Variants in PTPRD observed in about 807,000 individuals in gnomAD.
The protein encoded by PTPRD is receptor-type tyrosine-protein phosphatase delta.
A neutral mutation model predicts 214.5 loss-of-function variants in PTPRD; 34 were observed. The observed-to-expected ratio is 0.16, with a 90% CI of 0.12 to 0.21. The LOEUF is 0.21. Ranked by LOEUF, PTPRD falls within the 10% of genes least tolerant of loss-of-function variation. The pLI is 1.00. For synonymous variants in PTPRD, 1,128 were observed against 845.7 expected (o/e 1.33, Z -5.79); for missense variants, 2,545 against 2,398.7 (o/e 1.06, Z -1.27).
At chr9:9,784,091 C>A (rs1313169261) in intron 5 of PTPRD, among the ~76,000 whole-genome samples, 1 of 152,062 alleles carries the variant, frequency 6.6e-6, no homozygotes, top group African/African-American at 2.4e-5. Flanking sequence ...AAAGCTAACA[C>A]AAGTGCGAAA....
intron 12 of PTPRD, among the ~76,000 whole-genome samples, chr9:8,658,886 C>T (rs1417751452): frequency 6.6e-6 from 1 of 152,050 alleles, no homozygotes; most frequent in Non-Finnish European, 1.5e-5. Flanking sequence ...AATACAATTG[C>T]AATGGATATC....
At chr9:10,177,964 T>C (rs1008120050) in intron 3 of PTPRD, among the ~76,000 whole-genome samples, 4 of 151,840 alleles carry the variant, frequency 2.6e-5, no homozygotes, top group Admixed American at 2.6e-4. Context: ...AGTCCAGAGA[T>C]AGGTGGCTAG....
chr9:9,194,740 G>T (rs1239912098), intron 9 of PTPRD, among the ~76,000 whole-genome samples: 1 of 152,062 alleles, frequency 6.6e-6, no homozygotes, highest in East Asian at 1.9e-4. Flanking sequence ...GAGCGATAGT[G>T]GGAAAATAGT....
At chr9:9,706,350 C>T (rs1282986891) in intron 7 of PTPRD, among the ~76,000 whole-genome samples, 1 of 152,156 alleles carries the variant, frequency 6.6e-6, no homozygotes, top group East Asian at 1.9e-4. Flanking sequence ...CATGAAGTTT[C>T]CTTCCAATGT....
intron 7 of PTPRD, among the ~76,000 whole-genome samples, chr9:9,582,670 A>G (rs543924071): frequency 2.6e-5 from 4 of 152,218 alleles, no homozygotes; most frequent in Admixed American, 2.6e-4. Context: ...AGTTCCTTAC[A>G]TTACTCTATT....
At chr9:9,139,041 G>C (rs542310219) in intron 10 of PTPRD, among the ~76,000 whole-genome samples, 8 of 152,058 alleles carry the variant, frequency 5.3e-5, no homozygotes, top group East Asian at 1.9e-4. Context: ...AGCCAGGATA[G>C]ACTCTCAAAT....
chr9:10,089,670 C>T (rs1380077812), intron 3 of PTPRD, among the ~76,000 whole-genome samples: 1 of 151,542 alleles, frequency 6.6e-6, no homozygotes, highest in African/African-American at 2.4e-5. Flanking sequence ...AACTTCCAAG[C>T]CAATTGAACT....
At chr9:8,550,120 G>C (rs2081563218) in intron 14 of PTPRD, among the ~76,000 whole-genome samples, 1 of 152,098 alleles carries the variant, frequency 6.6e-6, no homozygotes, top group Non-Finnish European at 1.5e-5. Context: ...CCAAGAATTT[G>C]AAAAATTTAG....
At chr9:8,353,279 T>C (rs2076004276) in intron 39 of PTPRD, among the ~76,000 whole-genome samples, 2 of 152,322 alleles carry the variant, frequency 1.3e-5, no homozygotes, top group African/African-American at 4.8e-5. Flanking sequence ...AATCAGTTTA[T>C]GATTGTTTGC....
At chr9:8,832,968 C>T (rs1478852736) in intron 11 of PTPRD, among the ~76,000 whole-genome samples, 1 of 152,058 alleles carries the variant, frequency 6.6e-6, no homozygotes, top group African/African-American at 2.4e-5. Flanking sequence ...ACCTAGAAAG[C>T]TGTAACATGA....
chr9:10,602,203 A>T (rs2078156568), intron 2 of PTPRD, among the ~76,000 whole-genome samples: 2 of 151,870 alleles, frequency 1.3e-5, no homozygotes, highest in Non-Finnish European at 2.9e-5. Context: ...TACCTGAGAC[A>T]TAAGAAGTGT....
intron 9 of PTPRD, among the ~76,000 whole-genome samples, chr9:9,262,199 T>A (rs915390891): frequency 4.0e-5 from 6 of 151,476 alleles, no homozygotes; most frequent in African/African-American, 1.5e-4. Context: ...AAATATTTCT[T>A]AGATCCATGC....
At chr9:10,006,534 G>A (rs145808307) in intron 4 of PTPRD, among the ~76,000 whole-genome samples, 1 of 151,700 alleles carries the variant, frequency 6.6e-6, no homozygotes, top group Non-Finnish European at 1.5e-5. Flanking sequence ...CAGAATTCAG[G>A]GTATTAGCAT....
At chr9:9,214,974 C>A (rs771791934) in intron 9 of PTPRD, among the ~76,000 whole-genome samples, 7 of 152,176 alleles carry the variant, frequency 4.6e-5, no homozygotes, top group Non-Finnish European at 1.0e-4. Flanking sequence ...AGAGTCTATG[C>A]TCTTAATCAT....
In PTPRD at chr9:9,186,642, C is replaced by G. The variant is rs951849256; in HGVS notation, c.-202-3279G>C. ...TCTCTCTGTCTCTCCCTCTCTCTCT[C>G]TCTCTCTCTCTCTCTCTCTCTCTCA... is the stretch of plus-strand genomic sequence containing the variant. On this transcript the variant is annotated intron_variant, in intron 9 of 45. Transcript: ENST00000381196. 4.0e-3 allele frequency among the ~76,000 whole-genome samples: 599 copies of G among 148,298 alleles called. 11 individuals are homozygous for G. Among genetic ancestry groups the G allele is most frequent in the African/African-American group, 0.013 (532 of 40,344 alleles).
intron 11 of PTPRD, among the ~76,000 whole-genome samples, chr9:8,941,647 T>C (rs2099034513): frequency 6.6e-6 from 1 of 152,174 alleles, no homozygotes; most frequent in Admixed American, 6.5e-5. Flanking sequence ...AAAAATATTA[T>C]ATTTCACAAA....
intron 11 of PTPRD, among the ~76,000 whole-genome samples, chr9:8,875,318 G>C (rs1193201074): frequency 6.6e-6 from 1 of 152,116 alleles, no homozygotes; most frequent in Non-Finnish European, 1.5e-5. Context: ...GTGAGCCCAG[G>C]AGTTCGAGAG....
intron 5 of PTPRD, among the ~76,000 whole-genome samples, chr9:9,816,770 A>T (rs2048909682): frequency 2.0e-5 from 3 of 152,024 alleles, no homozygotes; most frequent in Admixed American, 2.0e-4. Context: ...CATAAGGTGC[A>T]TTCCTTTAGT....
chr9:9,080,913 G>A lies in PTPRD; in HGVS notation c.-142-62178C>T, dbSNP rs145681048. ...TTTCTTCTTTACTCATCTGGCTAGC[G>A]GTCTATTTTGTTAATCTTTTCAAAA... On this transcript the variant is annotated intron_variant, in intron 10 of 45. Transcript: ENST00000381196. Among the ~76,000 whole-genome samples, 224 of 151,314 alleles carry A rather than the reference G, an allele frequency of 1.5e-3. 1 individual carries two copies. The highest frequency in any genetic ancestry group is 4.7e-3 in the African/African-American group (194 of 41,298).
Sources: allele counts gnomAD v4.1 joint callset (sites outside exome capture counted in the v4.1 genomes callset), GRCh38; gene constraint gnomAD v4.1.1; transcripts MANE v1.5; gene names NCBI Gene and HGNC (gene_info 2026-07-23, HGNC 2026-07-21).